Variants in NUTF2 observed in about 807,000 individuals in gnomAD.
NUTF2 encodes placental protein 15.
Under a neutral mutation model 18.5 loss-of-function variants are expected in NUTF2, and 3 were observed. That is an observed-to-expected ratio of 0.16 (90% CI 0.07 to 0.42). The LOEUF (loss-of-function observed/expected upper bound fraction) is 0.42. NUTF2 is among the 10% of genes least tolerant of loss of function. The probability of loss-of-function intolerance (pLI) is 0.99; values close to 1 mark genes in which losing one functional copy is unlikely to be tolerated. For missense variants in NUTF2, 44 were observed against 160.7 expected, an observed-to-expected ratio of 0.27 and a Z score of 3.93; for synonymous variants, 51 against 57.9, an observed-to-expected ratio of 0.88 and a Z score of 0.54.
chr16:67,870,769 C>G (rs1215403895), intron 4 of NUTF2, 31 bp from the exon 5 acceptor site: 1 of 1,546,532 alleles, frequency 6.5e-7, no homozygotes, highest in African/African-American at 1.4e-5. Flanking sequence ...TTCTTGATCC[C>G]CTTACTGAAT....
At chr16:67,870,732 T>C in intron 4 of NUTF2, 68 bp from the exon 5 acceptor site, 2 of 1,332,542 alleles carry the variant, frequency 1.5e-6, no homozygotes, top group Non-Finnish European at 2.2e-6. Flanking sequence ...TTTGCCCTCT[T>C]CTCCTACCAC....
chr16:67,856,565 G>A (rs1362642780), intron 1 of NUTF2, among the ~76,000 whole-genome samples: 7 of 150,450 alleles, frequency 4.7e-5, no homozygotes. Context: ...CTGGAGTGCA[G>A]TGGCGTGATC....
intron 4 of NUTF2, among the ~76,000 whole-genome samples, chr16:67,869,231 C>T (rs2151301447): frequency 6.6e-6 from 1 of 151,930 alleles, no homozygotes; most frequent in South Asian, 2.1e-4. Flanking sequence ...TTACAGCTGC[C>T]CGCCACCACA....
At chr16:67,861,369 T>C (rs1353723418) in intron 1 of NUTF2, among the ~76,000 whole-genome samples, 1 of 152,226 alleles carries the variant, frequency 6.6e-6, no homozygotes, top group Non-Finnish European at 1.5e-5. Context: ...ACACTTAAAA[T>C]TGGAAGATAA....
At chr16:67,863,429 C>T (rs953434286) in intron 1 of NUTF2, among the ~76,000 whole-genome samples, 3 of 144,512 alleles carry the variant, frequency 2.1e-5, no homozygotes, top group Non-Finnish European at 4.6e-5. Context: ...GGTCACAGAG[C>T]GGAGGATTGG....
At chr16:67,860,170 G>A (rs1000547586) in intron 1 of NUTF2, among the ~76,000 whole-genome samples, 9 of 151,928 alleles carry the variant, frequency 5.9e-5, no homozygotes, top group African/African-American at 1.9e-4. Flanking sequence ...TAGTAGAGAC[G>A]GGGTTTCACC....
intron 1 of NUTF2, among the ~76,000 whole-genome samples, chr16:67,850,333 T>TA: frequency 6.6e-6 from 1 of 151,446 alleles, no homozygotes; most frequent in African/African-American, 2.4e-5. Flanking sequence ...GCCTCCCGAG[T>TA]AGCTGGGACT....
At chr16:67,859,400 A>G (rs1299111923) in intron 1 of NUTF2, among the ~76,000 whole-genome samples, 4 of 148,808 alleles carry the variant, frequency 2.7e-5, no homozygotes, top group African/African-American at 9.9e-5. Flanking sequence ...CCCAGGCTAG[A>G]GTGCAATGGC....
intron 2 of NUTF2, among the ~76,000 whole-genome samples, chr16:67,867,269 G>A (rs1241611940): frequency 2.0e-5 from 3 of 152,180 alleles, no homozygotes; most frequent in African/African-American, 7.2e-5. Flanking sequence ...ACTGCACCTG[G>A]CCTCATTATC....
chr16:67,855,018 T>C (rs2057885571), intron 1 of NUTF2, among the ~76,000 whole-genome samples: 1 of 152,016 alleles, frequency 6.6e-6, no homozygotes, highest in Admixed American at 6.6e-5. Flanking sequence ...GTTTGTTTTT[T>C]TTTTTAATTA....
rs185870332 is a variant in NUTF2 at position 67,862,413 on chromosome 16, C to T, written c.-29-2689C>T. ...ATTTTCTGGGAGCCCCTGATGTGTC[C>T]TATTCCTCAGAGAGCTTACTCTTCC... On this transcript the variant is annotated intron_variant, in intron 1 of 4. Coordinates refer to ENST00000219169, the MANE Select transcript of NUTF2 (RefSeq NM_005796.3). Among the ~76,000 whole-genome samples the T allele has an allele frequency of 1.8e-4, 28 of 152,290 alleles. No homozygotes were observed. In the East Asian group the frequency reaches 5.4e-3, roughly 29 times the overall value.
At chr16:67,851,983 T>C (rs1367500718) in intron 1 of NUTF2, among the ~76,000 whole-genome samples, 1 of 151,702 alleles carries the variant, frequency 6.6e-6, no homozygotes, top group Non-Finnish European at 1.5e-5. Flanking sequence ...GCCATTGCGC[T>C]CCAGCCTGGG....
intron 4 of NUTF2, among the ~76,000 whole-genome samples, chr16:67,869,657 T>C (rs889508044): frequency 1.3e-5 from 2 of 151,828 alleles, no homozygotes; most frequent in African/African-American, 4.8e-5. Context: ...TGGTGGCACA[T>C]GCCTGTAATC....
At chr16:67,865,969 T>C (rs2057968390) in intron 2 of NUTF2, among the ~76,000 whole-genome samples, 1 of 152,136 alleles carries the variant, frequency 6.6e-6, no homozygotes, top group Non-Finnish European at 1.5e-5. Context: ...CCTCCCACCT[T>C]GGCCTTCCAA....
At chr16:67,852,254 T>C (rs1396098776) in intron 1 of NUTF2, among the ~76,000 whole-genome samples, 1 of 152,014 alleles carries the variant, frequency 6.6e-6, no homozygotes, top group Admixed American at 6.6e-5. Context: ...TGAGCTATGA[T>C]CATGCCACTG....
chr16:67,870,755 C>A, intron 4 of NUTF2, 45 bp from the exon 5 acceptor site: 1 of 1,485,738 alleles, frequency 6.7e-7, no homozygotes, highest in South Asian at 1.1e-5. Context: ...AATTCCCTTC[C>A]TGTTTCTTGA....
chr16:67,850,723 G>A (rs1040121253), intron 1 of NUTF2, among the ~76,000 whole-genome samples: 4 of 152,176 alleles, frequency 2.6e-5, no homozygotes, highest in Non-Finnish European at 1.5e-5. Flanking sequence ...TGCCGCACAA[G>A]GATGAGGCAG....
chr16:67,868,706 A>C, intron 4 of NUTF2, 107 bp downstream of exon 4: 1 of 1,053,924 alleles, frequency 9.5e-7, no homozygotes, highest in Non-Finnish European at 1.4e-6. Flanking sequence ...CACCCAGACA[A>C]AGTGACTGTC....
intron 1 of NUTF2, among the ~76,000 whole-genome samples, chr16:67,848,878 A>C (rs1196893667): frequency 6.6e-6 from 1 of 152,154 alleles, no homozygotes; most frequent in Non-Finnish European, 1.5e-5. Context: ...CTGACCCTGC[A>C]TATTTTTTTC....
Sources: allele counts gnomAD v4.1 joint callset (sites outside exome capture counted in the v4.1 genomes callset), GRCh38; gene constraint gnomAD v4.1.1; transcripts MANE v1.5; gene names NCBI Gene and HGNC (gene_info 2026-07-23, HGNC 2026-07-21).